The following FBLN2 variants were observed in gnomAD, a reference collection of about 807,000 sequenced individuals.
The protein encoded by FBLN2 is fibulin-2.
Under a neutral mutation model 123.7 loss-of-function variants are expected in FBLN2, and 81 were observed. The observed-to-expected ratio is 0.65, with a 90% CI of 0.55 to 0.79. The LOEUF is 0.79. FBLN2 is among the 30% of genes least tolerant of loss of function. The probability of loss-of-function intolerance (pLI) is 0.00; values close to 1 mark genes in which losing one functional copy is unlikely to be tolerated. For missense variants in FBLN2, 1,603 were observed against 1,681.3 expected (o/e 0.95, Z 0.81); for synonymous variants, 699 against 701.4 (o/e 1.00, Z 0.05).
intron 2 of FBLN2, among the ~76,000 whole-genome samples, chr3:13,573,872 C>T (rs1704044165): frequency 6.8e-6 from 1 of 146,662 alleles, no homozygotes. Flanking sequence ...TGCACTCCAG[C>T]CTGGGCGACA....
At chr3:13,595,724 A>G (rs1246953210) in intron 2 of FBLN2, among the ~76,000 whole-genome samples, 1 of 152,240 alleles carries the variant, frequency 6.6e-6, no homozygotes, top group African/African-American at 2.4e-5. Context: ...TAAGGCTTTA[A>G]TGTCAAGGGA....
At chr3:13,568,985 C>T in intron 1 of FBLN2, 1 of 985,724 alleles carries the variant, frequency 1.0e-6, no homozygotes, top group Non-Finnish European at 1.2e-6. Flanking sequence ...CCTGCTGTCC[C>T]TCTGTCACTG....
intron 2 of FBLN2, among the ~76,000 whole-genome samples, chr3:13,601,173 G>A (rs1705020038): frequency 6.6e-6 from 1 of 152,226 alleles, no homozygotes; most frequent in Non-Finnish European, 1.5e-5. Flanking sequence ...TATTTCAGCT[G>A]TTACTGTTAT....
intron 2 of FBLN2, among the ~76,000 whole-genome samples, chr3:13,575,672 G>C (rs550543501): frequency 6.6e-6 from 1 of 152,146 alleles, no homozygotes; most frequent in South Asian, 2.1e-4. Flanking sequence ...GAGAGGCCTC[G>C]GGCATCAAGA....
intron 2 of FBLN2, among the ~76,000 whole-genome samples, chr3:13,606,870 C>G (rs542766938): frequency 2.4e-4 from 37 of 152,026 alleles, no homozygotes; most frequent in Non-Finnish European, 4.4e-4. Flanking sequence ...TCAGGCTGGT[C>G]TCAAACTCCT....
chr3:13,621,912 G>T lies in FBLN2; in HGVS notation c.2293G>T (p.Val765Leu). 1 of 1,612,210 alleles carries T rather than the reference G, an allele frequency of 6.2e-7. No individual in the cohort carries two copies. ...GYILNAHRKC[V>L]DINECVTDLH... is the part of the protein sequence containing the mutation. Reference sequence around the variant, plus strand: ...TATCCTCAATGCGCACAGGAAGTGCGTGGGTAAGCCAGGGCCCCGCCTGCC... The same window carrying T: ...TATCCTCAATGCGCACAGGAAGTGCTTGGGTAAGCCAGGGCCCCGCCTGCC... The change falls in exon 9 of 18, where the codon GTG becomes TTG. Residue 765 changes from valine (V) to leucine (L), a missense_variant. Transcript: ENST00000404922.
intron 1 of FBLN2, among the ~76,000 whole-genome samples, chr3:13,564,125 A>G (rs1305974489): frequency 6.6e-6 from 1 of 152,230 alleles, no homozygotes; most frequent in Non-Finnish European, 1.5e-5. Context: ...GCTAATTTAT[A>G]AAGCACCATG....
chr3:13,631,315 CCT>C lies in FBLN2; in HGVS notation c.3086-7_3086-6del, dbSNP rs767836418. ...TGGACGAGGTTCACCAGGGGCTGAA[CCT>C]CTCTCTGACAGACATCGACGAGTGT... On this transcript the variant is annotated splice_polypyrimidine_tract_variant and intron_variant, in intron 15 of 17. Transcript: ENST00000404922. 106 of 1,599,146 alleles carry C rather than the reference CCT, an allele frequency of 6.6e-5. No individual in the cohort carries two copies. Among genetic ancestry groups the C allele is most frequent in the Non-Finnish European group, 2.6e-6 (3 of 1,173,604 alleles).
intron 9 of FBLN2, among the ~76,000 whole-genome samples, chr3:13,625,101 G>A (rs2124902181): frequency 6.6e-6 from 1 of 150,452 alleles, no homozygotes; most frequent in Admixed American, 6.6e-5. Flanking sequence ...GCCTGGGGTG[G>A]TTTCTGAGTT....
At chr3:13,630,639 G>A (rs112507007) in intron 14 of FBLN2, 60 bp from the exon 15 acceptor site, 240 of 1,399,952 alleles carry the variant, frequency 1.7e-4, no homozygotes, top group Non-Finnish European at 2.3e-4. Context: ...GACAGCATTT[G>A]GATGGGCTCT....
intron 2 of FBLN2, among the ~76,000 whole-genome samples, chr3:13,576,704 G>A (rs9874733): frequency 0.14 from 20,389 of 146,452 alleles, 2,218 homozygotes; most frequent in East Asian, 0.33. Context: ...ACTGAGAGAA[G>A]GGGTGGTCAG....
intron 1 of FBLN2, chr3:13,568,820 T>C (rs1230466924): frequency 4.1e-6 from 4 of 985,542 alleles, no homozygotes; most frequent in Non-Finnish European, 4.8e-6. Context: ...GGGTTTATTA[T>C]CTGCCCCTCC....
At chr3:13,599,004 G>C (rs896033936) in intron 2 of FBLN2, among the ~76,000 whole-genome samples, 1 of 152,214 alleles carries the variant, frequency 6.6e-6, no homozygotes, top group Non-Finnish European at 1.5e-5. Context: ...GTGCAAAGGC[G>C]TAGAACAAGA....
chr3:13,598,457 T>C lies in FBLN2; in HGVS notation c.1307-9605T>C, dbSNP rs368208325. Among the ~76,000 whole-genome samples, 73 of 152,334 alleles carry C rather than the reference T, an allele frequency of 4.8e-4. 2 individuals carry two copies. Among genetic ancestry groups the C allele is most frequent in the Middle Eastern group, 3.4e-3 (1 of 294 alleles). On this transcript the variant is annotated intron_variant, in intron 2 of 17. Transcript: ENST00000404922. ...GCCTGTGCTCATCTTGTGACCCTGG[T>C]AGCATCTGCTACATAGAAGTGGTGT...
At chr3:13,612,729 TA>T (rs1705447848) in intron 4 of FBLN2, among the ~76,000 whole-genome samples, 1 of 152,206 alleles carries the variant, frequency 6.6e-6, no homozygotes, top group African/African-American at 2.4e-5. Context: ...ATGAGGATAA[TA>T]ATCCATGTCT....
intron 1 of FBLN2, among the ~76,000 whole-genome samples, chr3:13,566,833 A>C (rs1703761197): frequency 6.6e-6 from 1 of 151,982 alleles, no homozygotes; most frequent in Admixed American, 6.5e-5. Context: ...ATTTAAAATG[A>C]GAAACCCACT....
At chr3:13,577,210 C>T (rs1186500204) in intron 2 of FBLN2, among the ~76,000 whole-genome samples, 1 of 138,284 alleles carries the variant, frequency 7.2e-6, no homozygotes, top group East Asian at 2.1e-4. Flanking sequence ...GTGACAGAGC[C>T]AGACTCCGTC....
chr3:13,621,844 C>G lies in FBLN2; in HGVS notation c.2225C>G (p.Ser742Cys), dbSNP rs1705862869. The change falls in exon 9 of 18, where the codon TCC becomes TGC. Residue 742 changes from serine (S) to cysteine (C), a missense_variant. By Grantham distance (112) the Ser-to-Cys change is moderately radical (BLOSUM62 -1). Coordinates refer to ENST00000404922, the MANE Select transcript of FBLN2 (RefSeq NM_001004019.2). ...RRQFCVNTLGSFYCVNHTVLC... is the reference protein window; with the variant it reads ...RRQFCVNTLGCFYCVNHTVLC... Reference sequence around the variant, plus strand: ...CAGTTCTGTGTGAACACCCTGGGATCCTTCTACTGTGTCAACCACACAGTG... The same window carrying G: ...CAGTTCTGTGTGAACACCCTGGGATGCTTCTACTGTGTCAACCACACAGTG... The G allele has an allele frequency of 1.2e-6, 2 of 1,614,036 alleles. No individual in the cohort carries two copies. Among genetic ancestry groups the G allele is most frequent in the Non-Finnish European group, 8.5e-7 (1 of 1,179,882 alleles).
chr3:13,573,110 G>C (rs567448498), intron 2 of FBLN2, among the ~76,000 whole-genome samples: 153 of 144,420 alleles, frequency 1.1e-3, no homozygotes, highest in African/African-American at 4.3e-3. Flanking sequence ...GTCAGTGTGA[G>C]AGGGGACAGC....
Sources: gnomAD v4.1 joint callset for allele counts (sites outside exome capture counted in the v4.1 genomes callset) on GRCh38, gnomAD v4.1.1 for gene constraint, MANE v1.5 for transcripts, NCBI Gene and HGNC (gene_info 2026-07-23, HGNC 2026-07-21) for gene names.